The following PCDHA12 variants were observed in gnomAD, a reference collection of about 807,000 sequenced individuals.
The protein encoded by PCDHA12 is protocadherin alpha 12.
A neutral mutation model predicts 60.0 loss-of-function variants in PCDHA12; 44 were observed. That is an observed-to-expected ratio of 0.73 (90% CI 0.58 to 0.94). PCDHA12 has a LOEUF of 0.94. Ranked by LOEUF, PCDHA12 falls within the 40% of genes least tolerant of loss-of-function variation. PCDHA12 has a pLI of 0.00. For missense variants in PCDHA12, 1,276 were observed against 1,239.7 expected (o/e 1.03, Z -0.44); for synonymous variants, 569 against 553.0 (o/e 1.03, Z -0.40).
chr5:141,001,461 C>G (rs2098019350), intron 3 of PCDHA12, among the ~76,000 whole-genome samples: 1 of 152,214 alleles, frequency 6.6e-6, no homozygotes, highest in South Asian at 2.1e-4. Context: ...AATTGAAGGA[C>G]TAAGCAGCAG....
intron 1 of PCDHA12, among the ~76,000 whole-genome samples, chr5:140,881,147 A>T (rs982102013): frequency 1.3e-5 from 2 of 152,356 alleles, no homozygotes; most frequent in East Asian, 3.9e-4. Context: ...ATAACAATAG[A>T]TAAAAGTAAG....
At chr5:140,959,871 T>C (rs572861997) in intron 1 of PCDHA12, among the ~76,000 whole-genome samples, 1 of 152,322 alleles carries the variant, frequency 6.6e-6, no homozygotes, top group Admixed American at 6.5e-5. Flanking sequence ...GCAAAATCTG[T>C]CAAGGAATAC....
chr5:141,006,405 C>T (rs782532612), intron 3 of PCDHA12, among the ~76,000 whole-genome samples: 28 of 151,916 alleles, frequency 1.8e-4, no homozygotes, highest in Middle Eastern at 6.8e-3. Context: ...AGTAGAGACG[C>T]GGTTTCACTG....
At chr5:140,968,150 A>G (rs1554230413) in intron 1 of PCDHA12, 2 of 1,614,180 alleles carry the variant, frequency 1.2e-6, no homozygotes, top group Admixed American at 1.7e-5. Flanking sequence ...GATCTCTGAC[A>G]TCAATGACAA....
At chr5:140,903,614 T>C (rs1583498055) in intron 1 of PCDHA12, among the ~76,000 whole-genome samples, 1 of 152,204 alleles carries the variant, frequency 6.6e-6, no homozygotes, top group Non-Finnish European at 1.5e-5. Flanking sequence ...TACACATGAA[T>C]GTGCATGCAT....
At chr5:140,898,970 C>T (rs2067071539) in intron 1 of PCDHA12, among the ~76,000 whole-genome samples, 2 of 152,006 alleles carry the variant, frequency 1.3e-5, no homozygotes, top group South Asian at 4.2e-4. Context: ...TGGGAGTTCA[C>T]TCATGATTTG....
intron 1 of PCDHA12, among the ~76,000 whole-genome samples, chr5:140,941,255 C>CTTTCTTTCTT (rs782490896): frequency 0.012 from 539 of 44,464 alleles, 5 homozygotes; most frequent in Middle Eastern, 0.036. Context: ...TTCTTTCTTT[C>CTTTCTTTCTT]TCTTTCTTTC....
intron 2 of PCDHA12, among the ~76,000 whole-genome samples, chr5:140,980,990 G>T (rs1344931215): frequency 6.6e-6 from 1 of 152,116 alleles, no homozygotes. Flanking sequence ...CACACAATTT[G>T]CTAGTAGGAT....
intron 1 of PCDHA12, among the ~76,000 whole-genome samples, chr5:140,920,841 T>TAAAAAAAAA (rs781921146): frequency 9.2e-6 from 1 of 109,226 alleles, no homozygotes; most frequent in Non-Finnish European, 1.9e-5. Context: ...AGACCAAATC[T>TAAAAAAAAA]AAAAAAAAAA....
chr5:140,932,866 T>C (rs1584758563), intron 1 of PCDHA12, among the ~76,000 whole-genome samples: 1 of 151,996 alleles, frequency 6.6e-6, no homozygotes, highest in Non-Finnish European at 1.5e-5. Flanking sequence ...TTATTGTCTT[T>C]TGTTGTCTTC....
At chr5:140,918,970 T>C (rs1217884686) in intron 1 of PCDHA12, among the ~76,000 whole-genome samples, 1 of 152,220 alleles carries the variant, frequency 6.6e-6, no homozygotes, top group Non-Finnish European at 1.5e-5. Flanking sequence ...CAGATATCGT[T>C]TAGGTTAGTT....
At chr5:140,966,808 A>G (rs782040625) in intron 1 of PCDHA12, 5 of 1,548,024 alleles carry the variant, frequency 3.2e-6, no homozygotes, top group Non-Finnish European at 4.3e-6. Context: ...CAGAGCATCC[A>G]CGGCTCCGGC....
chr5:140,947,938 A>G (rs2094195228), intron 1 of PCDHA12, among the ~76,000 whole-genome samples: 1 of 151,536 alleles, frequency 6.6e-6, no homozygotes, highest in African/African-American at 2.4e-5. Context: ...CTTATGAGAA[A>G]AGTGTTCCAT....
chr5:140,929,681 AAG>A, intron 1 of PCDHA12: 1 of 302,408 alleles, frequency 3.3e-6, no homozygotes, highest in Non-Finnish European at 6.3e-6. Flanking sequence ...AAAAATATGT[AAG>A]AGTCTGCTTT....
At chr5:140,907,197 A>G (rs2073229380) in intron 1 of PCDHA12, among the ~76,000 whole-genome samples, 1 of 152,166 alleles carries the variant, frequency 6.6e-6, no homozygotes, top group Non-Finnish European at 1.5e-5. Context: ...AACCTTCTGG[A>G]GAATTTTGCC....
At chr5:140,947,769 A>T (rs2094173274) in intron 1 of PCDHA12, among the ~76,000 whole-genome samples, 1 of 151,626 alleles carries the variant, frequency 6.6e-6, no homozygotes, top group Non-Finnish European at 1.5e-5. Context: ...AAAAAATTCT[A>T]TTGTAAATGG....
chr5:140,881,446 TC>T, intron 1 of PCDHA12: 1 of 787,056 alleles, frequency 1.3e-6, no homozygotes, highest in Non-Finnish European at 1.5e-6. Flanking sequence ...AAAAACAGAA[TC>T]CAAAACCTTA....
chr5:140,906,957 G>T (rs1301709159), intron 1 of PCDHA12, among the ~76,000 whole-genome samples: 2 of 152,144 alleles, frequency 1.3e-5, no homozygotes, highest in Admixed American at 6.5e-5. Flanking sequence ...CCAGTTTAAT[G>T]GAATCGTGGT....
chr5:140,997,559 T>C (rs550494855), intron 3 of PCDHA12, among the ~76,000 whole-genome samples: 9 of 152,148 alleles, frequency 5.9e-5, no homozygotes, highest in Non-Finnish European at 1.3e-4. Context: ...ACAGGACAAC[T>C]GTCATATGTG....
Sources: gnomAD v4.1 joint callset for allele counts (sites outside exome capture counted in the v4.1 genomes callset) on GRCh38, gnomAD v4.1.1 for gene constraint, MANE v1.5 for transcripts, NCBI Gene and HGNC (gene_info 2026-07-23, HGNC 2026-07-21) for gene names.